Variants in MYO3B observed in about 807,000 individuals in gnomAD.
MYO3B encodes the protein myosin IIIB.
Under a neutral mutation model 174.6 loss-of-function variants are expected in MYO3B, and 156 were observed. The observed-to-expected ratio is 0.89, with a 90% CI of 0.78 to 1.02. The LOEUF is 1.02. Among genes scored for constraint, MYO3B ranks in the 50% least tolerant of loss-of-function variants. The pLI is 0.00. For missense variants in MYO3B, 1,632 were observed against 1,639.4 expected (o/e 1.00, Z 0.08); for synonymous variants, 563 against 569.1 (o/e 0.99, Z 0.15).
At chr2:170,426,322 G>A (rs114217604) in intron 22 of MYO3B, among the ~76,000 whole-genome samples, 7,699 of 150,706 alleles carry the variant, frequency 0.051, 265 homozygotes, top group Non-Finnish European at 0.068. Context: ...CTGGGTGACA[G>A]AGCAAGACCT....
In MYO3B at chr2:170,423,975, T is replaced by G. The variant is rs900274940; in HGVS notation, c.2650+16131T>G. Among the ~76,000 whole-genome samples, 3 of 152,344 alleles carry G rather than the reference T, an allele frequency of 2.0e-5. No individual in the cohort carries two copies. In the South Asian group the frequency reaches 6.2e-4, roughly 32 times the overall value. On this transcript the variant is annotated intron_variant, in intron 22 of 34. Coordinates refer to ENST00000408978, the MANE Select transcript of MYO3B (RefSeq NM_138995.5). ...TGAGCAATGTTTTCCAAAGTGTTTT[T>G]CTTGAAACACCAAATTTGTGTGGTG...
chr2:170,638,368 C>G (rs1697697058), intron 32 of MYO3B, among the ~76,000 whole-genome samples: 1 of 152,134 alleles, frequency 6.6e-6, no homozygotes, highest in Admixed American at 6.6e-5. Flanking sequence ...GGGGAACCTA[C>G]CTTGTGCAGC....
chr2:170,221,974 CTATT>C (rs1184842580), intron 6 of MYO3B, among the ~76,000 whole-genome samples: 1 of 152,116 alleles, frequency 6.6e-6, no homozygotes, highest in African/African-American at 2.4e-5. Flanking sequence ...CACATGGAGA[CTATT>C]TAGGAGATTA....
At chr2:170,574,853 T>C (rs989806012) in intron 32 of MYO3B, among the ~76,000 whole-genome samples, 3 of 152,198 alleles carry the variant, frequency 2.0e-5, no homozygotes, top group Admixed American at 2.0e-4. Flanking sequence ...AATATGCTCA[T>C]AGAGGCAAAT....
chr2:170,192,634 G>T (rs2092554586), intron 1 of MYO3B, among the ~76,000 whole-genome samples: 1 of 150,360 alleles, frequency 6.7e-6, no homozygotes, highest in Non-Finnish European at 1.5e-5. Context: ...TTTTTGAATA[G>T]AATATTAAAA....
chr2:170,555,838 C>T (rs1372652179), intron 32 of MYO3B, among the ~76,000 whole-genome samples: 1 of 151,920 alleles, frequency 6.6e-6, no homozygotes, highest in Non-Finnish European at 1.5e-5. Flanking sequence ...TACCACTGCA[C>T]TCCAGCCTAG....
At chr2:170,368,191 A>G (rs907873348) in intron 8 of MYO3B, among the ~76,000 whole-genome samples, 1 of 152,246 alleles carries the variant, frequency 6.6e-6, no homozygotes, top group Non-Finnish European at 1.5e-5. Flanking sequence ...GAATTTCATT[A>G]AAAATACGTT....
At chr2:170,583,717 TA>T (rs1693310844) in intron 32 of MYO3B, among the ~76,000 whole-genome samples, 1 of 152,196 alleles carries the variant, frequency 6.6e-6, no homozygotes, top group Admixed American at 6.5e-5. Context: ...AGTAGGCTAG[TA>T]TCTAAAATAT....
intron 31 of MYO3B, 113 bp from the exon 32 acceptor site, chr2:170,543,779 G>A (rs1284392750): frequency 7.2e-6 from 5 of 690,400 alleles, no homozygotes; most frequent in Non-Finnish European, 1.2e-5. Flanking sequence ...AGTATACTTA[G>A]CCTCTTGCTT....
At chr2:170,596,425 AC>A (rs1694152524) in intron 32 of MYO3B, among the ~76,000 whole-genome samples, 1 of 152,010 alleles carries the variant, frequency 6.6e-6, no homozygotes, top group Non-Finnish European at 1.5e-5. Context: ...CTTTCTCCTC[AC>A]CAGAGCTGGC....
At chr2:170,401,210 T>C (rs1265854361) in intron 17 of MYO3B, among the ~76,000 whole-genome samples, 2 of 152,186 alleles carry the variant, frequency 1.3e-5, no homozygotes, top group African/African-American at 2.4e-5. Context: ...TAGAATACAG[T>C]CTGCACCTAT....
intron 3 of MYO3B, among the ~76,000 whole-genome samples, chr2:170,203,499 G>GA (rs1491339405): frequency 8.3e-6 from 1 of 120,966 alleles, no homozygotes; most frequent in Non-Finnish European, 1.7e-5. Flanking sequence ...AGGGGGCGGC[G>GA]GGGGGGGGAG....
intron 7 of MYO3B, among the ~76,000 whole-genome samples, chr2:170,304,639 G>A (rs1044740027): frequency 1.3e-5 from 2 of 151,328 alleles, no homozygotes; most frequent in African/African-American, 4.9e-5. Context: ...GCTAACTTTT[G>A]TATTTTTAGT....
At chr2:170,648,938 A>G (rs1267524929) in intron 32 of MYO3B, among the ~76,000 whole-genome samples, 2 of 75,494 alleles carry the variant, frequency 2.6e-5, no homozygotes, top group Admixed American at 2.2e-4. Context: ...AATATGATAT[A>G]TAATATATAT....
At chr2:170,591,644 T>A (rs185343387) in intron 32 of MYO3B, among the ~76,000 whole-genome samples, 105 of 152,232 alleles carry the variant, frequency 6.9e-4, no homozygotes, top group Admixed American at 1.8e-3. Context: ...TCATAGAACT[T>A]TAGAATTAAA....
intron 25 of MYO3B, among the ~76,000 whole-genome samples, chr2:170,473,007 T>C (rs1385988569): frequency 6.6e-6 from 1 of 152,112 alleles, no homozygotes; most frequent in Non-Finnish European, 1.5e-5. Context: ...GAACTTCAGC[T>C]CACTTTATGT....
At chr2:170,183,085 G>A (rs1474197448) in intron 1 of MYO3B, among the ~76,000 whole-genome samples, 2 of 151,870 alleles carry the variant, frequency 1.3e-5, no homozygotes, top group East Asian at 1.9e-4. Context: ...GTGAAACCCC[G>A]TCTCTACTAA....
chr2:170,329,057 C>G (rs2093890873), intron 7 of MYO3B, among the ~76,000 whole-genome samples: 1 of 151,626 alleles, frequency 6.6e-6, no homozygotes, highest in South Asian at 2.1e-4. Flanking sequence ...GAAGCTGAGA[C>G]AGGAGAATCA....
At position 170,653,152 on chromosome 2, in the gene MYO3B, A is replaced by G. The variant is rs781367928; in HGVS notation, c.*31A>G. On this transcript the variant is annotated 3_prime_UTR_variant, in exon 35 of 35. Transcript: ENST00000408978. ...GCTTCCTAACCCTAAATCTGTCCAGAGTAGGAACATTCATGGTAATCGACT... is the reference window on the plus strand; with the variant it reads ...GCTTCCTAACCCTAAATCTGTCCAGGGTAGGAACATTCATGGTAATCGACT... 3 of 1,613,164 alleles carry G rather than the reference A, an allele frequency of 1.9e-6. No individual in the cohort carries two copies. The South Asian group carries it at 3.3e-5, about 18-fold the overall frequency.
Sources: allele counts gnomAD v4.1 joint callset (sites outside exome capture counted in the v4.1 genomes callset), GRCh38; gene constraint gnomAD v4.1.1; transcripts MANE v1.5; gene names NCBI Gene and HGNC (gene_info 2026-07-23, HGNC 2026-07-21).